The following PAK5 variants were observed in gnomAD, a reference collection of about 807,000 sequenced individuals.
PAK5 encodes p21 (RAC1) activated kinase 5, also known as serine/threonine-protein kinase PAK 5.
Under a neutral mutation model 65.9 loss-of-function variants are expected in PAK5, and 16 were observed. That is an observed-to-expected ratio of 0.24 (90% confidence interval 0.16 to 0.37). The LOEUF is 0.37. PAK5 is among the 10% of genes least tolerant of loss of function. The pLI, the probability that PAK5 is intolerant of heterozygous loss-of-function variation, is 1.00. For synonymous variants in PAK5, 371 were observed against 354.9 expected (o/e 1.05, Z -0.51); for missense variants, 785 against 903.9 (o/e 0.87, Z 1.69).
chr20:9,784,278 G>T (rs1161220616), intron 1 of PAK5: 1 of 152,154 alleles, frequency 6.6e-6, no homozygotes, highest in East Asian at 1.9e-4. Flanking sequence ...AATGACAGTA[G>T]CTTCAAAGAT....
chr20:9,804,437 G>A (rs1338716509), intron 1 of PAK5, among the ~76,000 whole-genome samples: 1 of 152,122 alleles, frequency 6.6e-6, no homozygotes, highest in Non-Finnish European at 1.5e-5. Flanking sequence ...GTTGATTTAT[G>A]ACAAAGGTGC....
At chr20:9,810,243 GC>G (rs2049283267) in intron 1 of PAK5, among the ~76,000 whole-genome samples, 1 of 152,126 alleles carries the variant, frequency 6.6e-6, no homozygotes, top group African/African-American at 2.4e-5. Context: ...CCCAGCATGC[GC>G]TTTTAGGAAA....
chr20:9,592,590 T>C (rs1007557405), intron 3 of PAK5, among the ~76,000 whole-genome samples: 6 of 152,220 alleles, frequency 3.9e-5, no homozygotes, highest in Admixed American at 1.3e-4. Flanking sequence ...TCAAAATACA[T>C]TGGAATTGCA....
chr20:9,625,470 G>C (rs1427906035), intron 3 of PAK5, among the ~76,000 whole-genome samples: 2 of 152,226 alleles, frequency 1.3e-5, no homozygotes, highest in East Asian at 3.8e-4. Context: ...CCCATGGATG[G>C]TGTAGGGCAT....
At position 9,711,999 on chromosome 20, in the gene PAK5, T is replaced by G. The variant is rs189193228; in HGVS notation, c.-161-564A>C. On this transcript the variant is annotated intron_variant, in intron 1 of 9. Transcript: ENST00000353224. ...GTCACTGTTTATACATATTGTTGATTTATTAAGATGGAACTCACAATCAAC... is the reference window on the plus strand; with the variant it reads ...GTCACTGTTTATACATATTGTTGATGTATTAAGATGGAACTCACAATCAAC... 9.5e-4 allele frequency among the ~76,000 whole-genome samples: 145 copies of G among 152,310 alleles called. 1 individual carries two copies. The highest frequency in any genetic ancestry group is 6.8e-3 in the Middle Eastern group (2 of 294).
chr20:9,629,619 C>T (rs377361721), intron 3 of PAK5, among the ~76,000 whole-genome samples: 5 of 152,140 alleles, frequency 3.3e-5, no homozygotes, highest in Non-Finnish European at 5.9e-5. Context: ...CCACCATGAC[C>T]GAGCTCTTCC....
intron 4 of PAK5, among the ~76,000 whole-genome samples, chr20:9,569,065 G>A (rs918687462): frequency 1.3e-5 from 2 of 152,160 alleles, no homozygotes; most frequent in African/African-American, 4.8e-5. Flanking sequence ...AATCAGCTAA[G>A]CCCTCTCAAT....
At chr20:9,581,004 C>T (rs184723315) in intron 3 of PAK5, 74 bp from the exon 4 acceptor site, 10 of 1,076,194 alleles carry the variant, frequency 9.3e-6, no homozygotes, top group Admixed American at 7.0e-5. Context: ...ATCCCACCCC[C>T]ACTCCATCCA....
Position 9,538,161 on chromosome 20 carries a change from G to A in PAK5, c.*1301C>T, listed in dbSNP as rs953843495. The A allele has an allele frequency of 8.6e-6, 2 of 233,268 alleles. No homozygotes were observed. Among genetic ancestry groups the A allele is most frequent in the African/African-American group, 2.2e-5 (1 of 45,334 alleles). The allele number at this position is 233,268 out of a possible 1,614,324, so 14.4% of individuals were successfully genotyped here. ...ATTCATCCAACAAGCAACACAAAAT[G>A]TATTGTAGTAGTCATTCATTTTTAT... is the stretch of plus-strand genomic sequence containing the variant. On this transcript the variant is annotated 3_prime_UTR_variant, in exon 10 of 10. Transcript: ENST00000353224.
At position 9,580,595 on chromosome 20, in the gene PAK5, G is replaced by A. The variant is rs1370846061; in HGVS notation, c.540C>T (p.Ala180=). 1 of 1,614,040 alleles carries A rather than the reference G, an allele frequency of 6.2e-7. No homozygotes were observed. Among genetic ancestry groups the A allele is most frequent in the Admixed American group, 1.7e-5 (1 of 60,012 alleles). The part of the protein sequence containing the change: ...GHVMKMKHGE[A]YYSEVKPLKS... Reference sequence around the variant, plus strand: ...TCAAAGGCTTCACCTCAGAATAGTAGGCCTCCCCGTGCTTCATTTTCATTA... The same window carrying A: ...TCAAAGGCTTCACCTCAGAATAGTAAGCCTCCCCGTGCTTCATTTTCATTA... Residue 180 remains alanine, a synonymous_variant, in exon 4 of 10, where the codon GCC becomes GCT. Transcript: ENST00000353224.
chr20:9,567,879 T>A (rs181299426), intron 4 of PAK5, among the ~76,000 whole-genome samples: 167 of 152,290 alleles, frequency 1.1e-3, no homozygotes, highest in African/African-American at 3.8e-3. Context: ...GATAGGGTAG[T>A]CACAGAAGGA....
chr20:9,662,672 A>C (rs1006905734), intron 2 of PAK5, among the ~76,000 whole-genome samples: 4 of 152,310 alleles, frequency 2.6e-5, no homozygotes, highest in East Asian at 1.9e-4. Flanking sequence ...GAGCACCTGC[A>C]CTGGACTTCA....
At chr20:9,609,505 T>TCCTTTC (rs372165628) in intron 3 of PAK5, among the ~76,000 whole-genome samples, 14 of 152,276 alleles carry the variant, frequency 9.2e-5, no homozygotes, top group African/African-American at 3.1e-4. Flanking sequence ...TGCAAACTCT[T>TCCTTTC]CCTTTCCTTC....
chr20:9,660,461 C>A (rs545940083), intron 2 of PAK5, among the ~76,000 whole-genome samples: 1 of 151,906 alleles, frequency 6.6e-6, no homozygotes, highest in South Asian at 2.1e-4. Context: ...GACAAAGATC[C>A]TTACCACCCT....
intron 1 of PAK5, among the ~76,000 whole-genome samples, chr20:9,828,533 A>G (rs1600419043): frequency 6.6e-6 from 1 of 152,296 alleles, no homozygotes; most frequent in South Asian, 2.1e-4. Flanking sequence ...ATAAAGTGTG[A>G]ATTTTCTATT....
chr20:9,672,762 T>C (rs2047517688), intron 2 of PAK5, among the ~76,000 whole-genome samples: 2 of 152,190 alleles, frequency 1.3e-5, no homozygotes, highest in African/African-American at 4.8e-5. Flanking sequence ...ATCTGTTCAA[T>C]CTCAGAATTA....
At chr20:9,637,824 T>C (rs1471114374) in intron 3 of PAK5, among the ~76,000 whole-genome samples, 2 of 152,326 alleles carry the variant, frequency 1.3e-5, no homozygotes, top group East Asian at 1.9e-4. Context: ...GAAGCAAATA[T>C]TAAGATATGC....
intron 3 of PAK5, among the ~76,000 whole-genome samples, chr20:9,623,683 T>C (rs1349496186): frequency 6.6e-6 from 1 of 152,160 alleles, no homozygotes; most frequent in Non-Finnish European, 1.5e-5. Flanking sequence ...CAAGGGGGCA[T>C]TTAAAGTTAA....
intron 1 of PAK5, among the ~76,000 whole-genome samples, chr20:9,824,557 G>T (rs1333289813): frequency 6.6e-6 from 1 of 152,188 alleles, no homozygotes; most frequent in Non-Finnish European, 1.5e-5. Context: ...CAAATCATAT[G>T]CAATTTGGAG....
Sources: gnomAD v4.1 joint callset for allele counts (sites outside exome capture counted in the v4.1 genomes callset) on GRCh38, gnomAD v4.1.1 for gene constraint, MANE v1.5 for transcripts, NCBI Gene and HGNC (gene_info 2026-07-23, HGNC 2026-07-21) for gene names.